HTR1F: variants seen among roughly 807,000 people sequenced by gnomAD.
The protein encoded by HTR1F is 5-hydroxytryptamine receptor 1F.
In HTR1F, 17 loss-of-function variants were observed where a neutral mutation model predicts 24.0. That is an observed-to-expected ratio of 0.71 (90% confidence interval 0.48 to 1.06). The LOEUF (loss-of-function observed/expected upper bound fraction) is 1.06. HTR1F is among the 50% of genes least tolerant of loss of function. The pLI, the probability that HTR1F is intolerant of heterozygous loss-of-function variation, is 0.00. For missense variants in HTR1F, 391 were observed against 427.8 expected, an observed-to-expected ratio of 0.91 and a Z score of 0.76; for synonymous variants, 186 against 156.8, an observed-to-expected ratio of 1.19 and a Z score of -1.39.
intron 2 of HTR1F, among the ~76,000 whole-genome samples, chr3:87,826,261 G>C (rs1185207758): frequency 1.3e-5 from 2 of 152,174 alleles, no homozygotes; most frequent in African/African-American, 4.8e-5. Flanking sequence ...GAACCTGTTT[G>C]ATCAATGCTT....
At chr3:87,825,293 A>G (rs1373395013) in intron 2 of HTR1F, among the ~76,000 whole-genome samples, 3 of 152,182 alleles carry the variant, frequency 2.0e-5, no homozygotes, top group African/African-American at 7.2e-5. Flanking sequence ...CTTACCGATA[A>G]TGAGTTTTAT....
intron 2 of HTR1F, among the ~76,000 whole-genome samples, chr3:87,968,723 A>G (rs1705220086): frequency 6.6e-6 from 1 of 152,254 alleles, no homozygotes; most frequent in South Asian, 2.1e-4. Context: ...TGGCTACAGA[A>G]ATTTAAAATA....
chr3:87,927,083 C>T (rs1381493555), intron 2 of HTR1F, among the ~76,000 whole-genome samples: 1 of 152,068 alleles, frequency 6.6e-6, no homozygotes, highest in East Asian at 1.9e-4. Context: ...TTGTAGAGGA[C>T]TCTCAGAAGA....
intron 2 of HTR1F, among the ~76,000 whole-genome samples, chr3:87,890,103 A>G (rs1417926519): frequency 6.6e-6 from 1 of 152,224 alleles, no homozygotes; most frequent in Non-Finnish European, 1.5e-5. Context: ...GTAAATGTAT[A>G]TAATACCTAT....
chr3:87,801,113 A>C (rs775547904), intron 1 of HTR1F, among the ~76,000 whole-genome samples: 1 of 152,194 alleles, frequency 6.6e-6, no homozygotes, highest in Non-Finnish European at 1.5e-5. Context: ...ACTTTCATCT[A>C]TTTCAAAACA....
chr3:87,910,179 C>T (rs185510229), intron 2 of HTR1F: 67 of 151,898 alleles, frequency 4.4e-4, no homozygotes, highest in African/African-American at 1.6e-3. Flanking sequence ...AGCTTTTTAT[C>T]CCAAATTCTT....
chr3:87,964,812 T>C (rs764716430), intron 2 of HTR1F, among the ~76,000 whole-genome samples: 1 of 152,172 alleles, frequency 6.6e-6, no homozygotes, highest in Non-Finnish European at 1.5e-5. Context: ...TGTATCCTTA[T>C]GCAAATCTCA....
intron 2 of HTR1F, among the ~76,000 whole-genome samples, chr3:87,945,934 A>G (rs185745534): frequency 1.3e-5 from 2 of 152,110 alleles, no homozygotes; most frequent in African/African-American, 2.4e-5. Flanking sequence ...CACTTCCAAG[A>G]TGGTGGCAAG....
At position 87,933,067 on chromosome 3, in the gene HTR1F, G is replaced by A. The variant is rs1296468280; in HGVS notation, c.-42-57641G>A. Reference sequence around the variant, plus strand: ...GTTCAATATATGCAAATCAATAAATGTAATCCAGCATATAAACAGAACCAA... The same window carrying A: ...GTTCAATATATGCAAATCAATAAATATAATCCAGCATATAAACAGAACCAA... On this transcript the variant is annotated intron_variant, in intron 2 of 2. Transcript: ENST00000319595. 4.5e-3 allele frequency among the ~76,000 whole-genome samples: 681 copies of A among 150,176 alleles called. 4 individuals carry two copies. Among genetic ancestry groups the A allele is most frequent in the African/African-American group, 0.015 (629 of 40,722 alleles).
chr3:87,967,420 A>C (rs1705189409), intron 2 of HTR1F, among the ~76,000 whole-genome samples: 1 of 149,962 alleles, frequency 6.7e-6, no homozygotes, highest in Non-Finnish European at 1.5e-5. Flanking sequence ...ACTACACTCC[A>C]GCCTGGGTGA....
intron 2 of HTR1F, among the ~76,000 whole-genome samples, chr3:87,906,757 G>A (rs1182791093): frequency 6.6e-6 from 1 of 151,522 alleles, no homozygotes; most frequent in Non-Finnish European, 1.5e-5. Flanking sequence ...CATCCTCATA[G>A]CTTAGCCCCC....
intron 1 of HTR1F, among the ~76,000 whole-genome samples, chr3:87,815,981 T>A (rs1322413512): frequency 6.6e-6 from 1 of 152,138 alleles, no homozygotes; most frequent in Non-Finnish European, 1.5e-5. Flanking sequence ...CCATCTATTC[T>A]CATGAAATGC....
chr3:87,919,297 CTAGACAATGGCT>C (rs1303877774), intron 2 of HTR1F, among the ~76,000 whole-genome samples: 1 of 151,906 alleles, frequency 6.6e-6, no homozygotes, highest in East Asian at 1.9e-4. Flanking sequence ...AAAACCCCTT[CTAGACAATGGCT>C]TAGGCAAAGA....
chr3:87,841,398 G>A (rs913800127), intron 2 of HTR1F, among the ~76,000 whole-genome samples: 6 of 151,728 alleles, frequency 4.0e-5, no homozygotes, highest in East Asian at 1.9e-4. Flanking sequence ...ATCTGGCAGC[G>A]AATATTCTTT....
At chr3:87,925,578 A>G (rs1576038663) in intron 2 of HTR1F, among the ~76,000 whole-genome samples, 1 of 152,116 alleles carries the variant, frequency 6.6e-6, no homozygotes, top group South Asian at 2.1e-4. Flanking sequence ...CCAGGTTACA[A>G]TGCCCCATAA....
intron 2 of HTR1F, among the ~76,000 whole-genome samples, chr3:87,927,220 A>G (rs1297671508): frequency 2.0e-5 from 3 of 152,198 alleles, no homozygotes; most frequent in Non-Finnish European, 4.4e-5. Flanking sequence ...GTGCCTGAAA[A>G]ATAGCTGATG....
intron 2 of HTR1F, among the ~76,000 whole-genome samples, chr3:87,927,925 T>C (rs564525341): frequency 1.4e-3 from 214 of 152,266 alleles, no homozygotes; most frequent in African/African-American, 5.0e-3. Flanking sequence ...TTTATATCAA[T>C]GGTAATCAAG....
chr3:87,935,525 C>T (rs376089341), intron 2 of HTR1F, among the ~76,000 whole-genome samples: 50 of 152,066 alleles, frequency 3.3e-4, no homozygotes, highest in South Asian at 2.3e-3. Context: ...AAAGGTCTTC[C>T]GCTAAATGAA....
intron 1 of HTR1F, among the ~76,000 whole-genome samples, chr3:87,800,239 T>A (rs1281900932): frequency 5.3e-5 from 8 of 152,124 alleles, no homozygotes; most frequent in Non-Finnish European, 5.9e-5. Flanking sequence ...CTGTAGCTCA[T>A]CCTTCCAAGT....
Sources: gnomAD v4.1 joint callset for allele counts (sites outside exome capture counted in the v4.1 genomes callset) on GRCh38, gnomAD v4.1.1 for gene constraint, MANE v1.5 for transcripts, NCBI Gene and HGNC (gene_info 2026-07-23, HGNC 2026-07-21) for gene names.